Variants in NSUN6 observed in about 807,000 individuals in gnomAD.
The protein encoded by NSUN6 is NOP2/Sun RNA methyltransferase 6.
NSUN6 carries 64 observed loss-of-function variants against 58.0 expected under a neutral mutation model. The observed-to-expected ratio is 1.10, with a 90% confidence interval of 0.90 to 1.36. The LOEUF (loss-of-function observed/expected upper bound fraction) is 1.36. Among genes scored for constraint, NSUN6 ranks in the 40% most tolerant of loss-of-function variants. The probability of loss-of-function intolerance (pLI) is 0.00; values close to 1 mark genes in which losing one functional copy is unlikely to be tolerated. For missense variants in NSUN6, 701 were observed against 550.1 expected (o/e 1.27, Z -2.74); for synonymous variants, 231 against 193.9 (o/e 1.19, Z -1.59).
Position 18,582,577 on chromosome 10 carries a change from A to G in NSUN6, c.922+3372T>C, listed in dbSNP as rs551339452. ...CAAAGACTATTCAGAAAGATTACCTATGCAAAGGATCTCATATTCATTGGA... is the reference window on the plus strand; with the variant it reads ...CAAAGACTATTCAGAAAGATTACCTGTGCAAAGGATCTCATATTCATTGGA... On this transcript the variant is annotated intron_variant, in intron 8 of 10. Coordinates refer to ENST00000377304, the MANE Select transcript of NSUN6 (RefSeq NM_182543.5). Among the ~76,000 whole-genome samples the G allele has an allele frequency of 1.1e-4, 16 of 152,334 alleles. No individual in the cohort carries two copies. In the South Asian group the frequency reaches 2.1e-3, roughly 20 times the overall value.
chr10:18,581,960 A>T (rs1362990405), intron 8 of NSUN6, among the ~76,000 whole-genome samples: 1 of 152,044 alleles, frequency 6.6e-6, no homozygotes, highest in Non-Finnish European at 1.5e-5. Flanking sequence ...CTTGCAGGAG[A>T]TCCAAGAACC....
intron 8 of NSUN6, among the ~76,000 whole-genome samples, chr10:18,571,616 CCCATT>C (rs1406570376): frequency 7.4e-6 from 1 of 135,970 alleles, no homozygotes; most frequent in African/African-American, 2.5e-5. Context: ...ATTCCATTCT[CCCATT>C]CCATTCCATT....
chr10:18,584,480 T>C (rs2131098927), intron 8 of NSUN6, among the ~76,000 whole-genome samples: 1 of 152,236 alleles, frequency 6.6e-6, no homozygotes, highest in South Asian at 2.1e-4. Context: ...GGTTACAATC[T>C]GAAGGTCAGA....
At chr10:18,596,506 C>T (rs905443721) in intron 6 of NSUN6, among the ~76,000 whole-genome samples, 179 bp from the exon 7 acceptor site, 2 of 152,100 alleles carry the variant, frequency 1.3e-5, no homozygotes, top group Admixed American at 6.6e-5. Flanking sequence ...GAATATCCTA[C>T]GATCTCCCAG....
chr10:18,591,442 C>T (rs1025291242), intron 7 of NSUN6, among the ~76,000 whole-genome samples: 4 of 152,156 alleles, frequency 2.6e-5, no homozygotes, highest in African/African-American at 9.7e-5. Context: ...AGGACAATAT[C>T]CCTGATGAAT....
rs1033346478 is a variant in NSUN6, at chr10:18,605,184, C to A, written c.657+4661G>T. ...ACAGGCGTGAGCCACCGTGCCTAGCCGAGACTCCCTTAAAAAAAAAAAAAA... is the reference window on the plus strand; with the variant it reads ...ACAGGCGTGAGCCACCGTGCCTAGCAGAGACTCCCTTAAAAAAAAAAAAAA... On this transcript the variant is annotated intron_variant, in intron 6 of 10. Coordinates refer to ENST00000377304, the MANE Select transcript of NSUN6 (RefSeq NM_182543.5). Among the ~76,000 whole-genome samples, 3 of 149,076 alleles carry A rather than the reference C, an allele frequency of 2.0e-5. 1 individual carries two copies. The highest frequency in any genetic ancestry group is 2.0e-4 in the Admixed American group (3 of 14,954).
In NSUN6 at chr10:18,545,726, A is replaced by G. The variant is rs2054211649; in HGVS notation, c.*207T>C. ...ACTCTACTAAATACATAAAAAAAAA[A>G]AATCTTTTAAAAACAGAAAATATAA... On this transcript the variant is annotated 3_prime_UTR_variant, in exon 11 of 11. Coordinates refer to ENST00000377304, the MANE Select transcript of NSUN6 (RefSeq NM_182543.5). 4.1e-6 allele frequency: 2 copies of G among 493,494 alleles called. No individual in the cohort carries two copies. Among genetic ancestry groups the G allele is most frequent in the East Asian group, 3.7e-5 (1 of 27,090 alleles). The allele number at this position is 493,494 out of a possible 1,614,324, so 30.6% of individuals were successfully genotyped here.
chr10:18,642,979 A>C (rs779496795), intron 2 of NSUN6, among the ~76,000 whole-genome samples: 1 of 152,054 alleles, frequency 6.6e-6, no homozygotes, highest in Non-Finnish European at 1.5e-5. Flanking sequence ...TTTGGTGAGG[A>C]AAAGAAATGT....
intron 6 of NSUN6, among the ~76,000 whole-genome samples, chr10:18,605,019 G>C (rs184048644): frequency 1.3e-5 from 2 of 151,190 alleles, no homozygotes; most frequent in South Asian, 4.2e-4. Flanking sequence ...CTGAGTAGCT[G>C]GGACTATAGG....
At chr10:18,612,008 T>G (rs1279516003) in intron 5 of NSUN6, among the ~76,000 whole-genome samples, 1 of 152,198 alleles carries the variant, frequency 6.6e-6, no homozygotes, top group African/African-American at 2.4e-5. Context: ...TAAAACTCAG[T>G]TGCTGCTCCA....
chr10:18,548,160 C>A lies in NSUN6; in HGVS notation c.1149G>T (p.Gln383His). ...CTITLAENEE[Q>H]VAWALTKFPC... ...GAAATTTTGTCAGGGCCCAGGCAAC[C>A]TGTTCTTCATTTTCGGCCAGTGTTA... The change falls in exon 10 of 11, where the codon CAG becomes CAT. Residue 383 changes from glutamine (Q) to histidine (H), a missense_variant. Transcript: ENST00000377304. The A allele has an allele frequency of 6.2e-7, 1 of 1,613,888 alleles. No homozygotes were observed. The highest frequency in any genetic ancestry group is 8.5e-7 in the Non-Finnish European group (1 of 1,179,888).
intron 3 of NSUN6, among the ~76,000 whole-genome samples, chr10:18,638,796 G>A (rs1041562777): frequency 4.0e-5 from 6 of 151,898 alleles, no homozygotes; most frequent in African/African-American, 1.5e-4. Flanking sequence ...AAGGGCAGGG[G>A]GTGCGGGAAA....
chr10:18,620,630 G>C (rs551114829), intron 3 of NSUN6, among the ~76,000 whole-genome samples: 5 of 152,180 alleles, frequency 3.3e-5, no homozygotes, highest in Middle Eastern at 6.8e-3. Flanking sequence ...CAGCCCTTCG[G>C]CCTAATTTCT....
At chr10:18,576,244 A>G (rs1412806377) in intron 8 of NSUN6, among the ~76,000 whole-genome samples, 1 of 152,106 alleles carries the variant, frequency 6.6e-6, no homozygotes, top group Non-Finnish European at 1.5e-5. Context: ...ACTGCATTTG[A>G]TGCTTGCCTT....
chr10:18,595,437 G>A (rs775941315), intron 7 of NSUN6, among the ~76,000 whole-genome samples: 9 of 152,182 alleles, frequency 5.9e-5, no homozygotes. Flanking sequence ...AGCCGATCAT[G>A]ATCAATCTTT....
In NSUN6 at chr10:18,651,458, T is replaced by C; in HGVS notation, c.-255A>G. 8.4e-7 allele frequency: 1 copy of C among 1,192,002 alleles called. No homozygotes were observed. The highest frequency in any genetic ancestry group is 1.0e-6 in the Non-Finnish European group (1 of 961,866). 73.8% of individuals were successfully genotyped at this position (1,192,002 alleles called of 1,614,324 possible). On this transcript the variant is annotated 5_prime_UTR_variant, in exon 1 of 11. Transcript: ENST00000377304. The stretch of plus-strand genomic sequence containing the variant: ...TGGTAGAGATGCTCATGGAAATCAC[T>C]GAGCCAATGCCACTCACGTTGCAAA...
chr10:18,649,734 G>C (rs1286574230), intron 1 of NSUN6, among the ~76,000 whole-genome samples: 5 of 152,054 alleles, frequency 3.3e-5, no homozygotes, highest in Non-Finnish European at 7.4e-5. Context: ...TGAGACTCGA[G>C]GCAGAGGCAG....
chr10:18,648,720 T>A, intron 1 of NSUN6, 75 bp from the exon 2 acceptor site: 1 of 797,536 alleles, frequency 1.3e-6, no homozygotes, highest in East Asian at 2.6e-5. Context: ...ATTAATTCCA[T>A]CTAATGAAAC....
chr10:18,648,031 G>A (rs185225596), intron 2 of NSUN6, among the ~76,000 whole-genome samples: 9 of 152,182 alleles, frequency 5.9e-5, no homozygotes, highest in African/African-American at 1.7e-4. Flanking sequence ...GAGCCACCAC[G>A]CCTGGCCCAA....
Sources: gnomAD v4.1 joint callset for allele counts (sites outside exome capture counted in the v4.1 genomes callset) on GRCh38, gnomAD v4.1.1 for gene constraint, MANE v1.5 for transcripts, NCBI Gene and HGNC (gene_info 2026-07-23, HGNC 2026-07-21) for gene names.